Variants in TCF4 observed in about 807,000 individuals in gnomAD.
TCF4 encodes the protein SL3-3 enhancer factor 2.
TCF4 carries 3 observed loss-of-function variants against 82.1 expected under a neutral mutation model. The ratio of observed to expected loss-of-function variants is 0.04; its 90% CI spans 0.02 to 0.09. The LOEUF is 0.09. TCF4 is among the 10% of genes least tolerant of loss of function. TCF4 has a pLI of 1.00. For missense variants in TCF4, 518 were observed against 852.7 expected, an observed-to-expected ratio of 0.61 and a Z score of 4.89; for synonymous variants, 276 against 309.6, an observed-to-expected ratio of 0.89 and a Z score of 1.14.
chr18:55,382,318 G>A (rs1319561632), intron 6 of TCF4, among the ~76,000 whole-genome samples: 1 of 151,454 alleles, frequency 6.6e-6, no homozygotes, highest in Non-Finnish European at 1.5e-5. Flanking sequence ...TAGTCACGTA[G>A]CCTTTCTCAG....
At chr18:55,513,883 G>A (rs542860034) in intron 3 of TCF4, among the ~76,000 whole-genome samples, 88 of 152,200 alleles carry the variant, frequency 5.8e-4, no homozygotes, top group South Asian at 1.2e-3. Flanking sequence ...AAAGTTTGAG[G>A]CCAGACAGCC....
At chr18:55,425,460 C>A (rs1168182466) in intron 5 of TCF4, among the ~76,000 whole-genome samples, 1 of 150,390 alleles carries the variant, frequency 6.6e-6, no homozygotes, top group African/African-American at 2.4e-5. Context: ...CCCAATGGAT[C>A]CTATAATTTT....
chr18:55,578,312 C>G (rs1260917354), intron 3 of TCF4, among the ~76,000 whole-genome samples: 2 of 151,972 alleles, frequency 1.3e-5, no homozygotes, highest in Non-Finnish European at 2.9e-5. Context: ...TGAGTCCAAG[C>G]CTTAATTAAA....
chr18:55,229,232 T>A, intron 17 of TCF4, 156 bp from the exon 18 acceptor site: 1 of 794,880 alleles, frequency 1.3e-6, no homozygotes. Context: ...GGGATTGGTT[T>A]AGATGGCTTT....
intron 3 of TCF4, among the ~76,000 whole-genome samples, chr18:55,464,849 A>G (rs1488020311): frequency 6.6e-6 from 1 of 152,210 alleles, no homozygotes; most frequent in Non-Finnish European, 1.5e-5. Flanking sequence ...CAGTGAAAAG[A>G]CCTACATGAA....
chr18:55,241,445 A>C (rs2051198510), intron 15 of TCF4, among the ~76,000 whole-genome samples: 1 of 152,240 alleles, frequency 6.6e-6, no homozygotes, highest in Admixed American at 6.5e-5. Context: ...TAGTGAACCA[A>C]ACATATCTAG....
At chr18:55,495,764 G>A (rs941466641) in intron 3 of TCF4, 5 of 152,080 alleles carry the variant, frequency 3.3e-5, no homozygotes, top group African/African-American at 7.2e-5. Context: ...TTGTATACTA[G>A]GCAGCAATTC....
chr18:55,486,460 C>T (rs147358516), intron 3 of TCF4, among the ~76,000 whole-genome samples: 1,684 of 152,110 alleles, frequency 0.011, 16 homozygotes, highest in Non-Finnish European at 0.019. Flanking sequence ...GGCGTGGTGG[C>T]GCACACCTGT....
At chr18:55,464,014 CTGTT>C (rs1274162937) in intron 4 of TCF4, 58 bp downstream of exon 4, 181 of 1,427,692 alleles carry the variant, frequency 1.3e-4, no homozygotes, top group Non-Finnish European at 1.7e-4. Flanking sequence ...AACACACCTT[CTGTT>C]TGTCAATTTA....
chr18:55,384,436 C>T (rs1222205780), intron 6 of TCF4, among the ~76,000 whole-genome samples: 1 of 152,214 alleles, frequency 6.6e-6, no homozygotes, highest in Non-Finnish European at 1.5e-5. Context: ...TCTCCCTACC[C>T]CCAGTGTCAT....
intron 5 of TCF4, among the ~76,000 whole-genome samples, chr18:55,439,375 G>T (rs887804442): frequency 1.3e-5 from 2 of 152,142 alleles, no homozygotes; most frequent in Admixed American, 1.3e-4. Flanking sequence ...CCAGACCTTT[G>T]CCCATCAAGT....
chr18:55,492,407 T>A (rs1398175850), intron 3 of TCF4, among the ~76,000 whole-genome samples: 4 of 152,218 alleles, frequency 2.6e-5, no homozygotes, highest in Admixed American at 6.5e-5. Flanking sequence ...GATGTACAGT[T>A]AAACAACAAA....
rs1010469524 is a variant in TCF4, at chr18:55,253,781, TA to T, written c.1350+715del. 1.8e-3 allele frequency among the ~76,000 whole-genome samples: 268 copies of T among 148,330 alleles called. 2 individuals are homozygous for T. The highest frequency in any genetic ancestry group is 3.7e-3 in the Admixed American group (55 of 14,868). On this transcript the variant is annotated intron_variant, in intron 15 of 19. Transcript: ENST00000354452. ...CAGACACTATTTTGGCTTCTTTAAT[TA>T]AAAAAAAAACACTAATATTTGAATT...
chr18:55,361,909 T>C (rs1765148667), intron 6 of TCF4, among the ~76,000 whole-genome samples: 1 of 152,174 alleles, frequency 6.6e-6, no homozygotes, highest in Non-Finnish European at 1.5e-5. Context: ...GAGGCAGAAA[T>C]AACTGAAGTA....
rs986901195 is a variant in TCF4 at position 55,588,118 on chromosome 18, CCGCCTGCTCCTG to C, written c.-113_-102del. On this transcript the variant is annotated 5_prime_UTR_variant, in exon 1 of 20. Coordinates refer to ENST00000354452, the MANE Select transcript of TCF4 (RefSeq NM_001083962.2). ...TGTCTAACCGCCGCCGCCACCGCCG[CCGCCTGCTCCTG>C]CGCCCGCTCCCGCGCCTGCTGCCTC... 2 of 1,040,918 alleles carry C rather than the reference CCGCCTGCTCCTG, an allele frequency of 1.9e-6. No homozygotes were observed. Among genetic ancestry groups the C allele is most frequent in the African/African-American group, 3.4e-5 (2 of 58,318 alleles). 64.5% of individuals were successfully genotyped at this position (1,040,918 alleles called of 1,614,324 possible). A position where few individuals can be genotyped will look rare whatever the true frequency, so the allele number is the denominator to read the frequency against.
rs951064935 is a variant in TCF4 at position 55,635,733 on chromosome 18, G to A, written c.165C>T (p.Cys55=). The A allele has an allele frequency of 6.4e-7, 1 of 1,550,494 alleles. No individual in the cohort carries two copies. Among genetic ancestry groups the A allele is most frequent in the Non-Finnish European group, 8.7e-7 (1 of 1,146,982 alleles). The change falls in exon 1 of 21, where the codon TGC becomes TGT. Residue 55 remains cysteine (C), a synonymous_variant. Coordinates refer to the TCF4 transcript ENST00000398339. ...AGGGCCTCCTGGAGAAGCTCGAGTA[G>A]CAGTTCTCAACCCAAGTGCATGTTA... is the stretch of plus-strand genomic sequence containing the variant.
intron 8 of TCF4, among the ~76,000 whole-genome samples, chr18:55,341,985 A>G (rs540640068): frequency 1.3e-5 from 2 of 152,352 alleles, no homozygotes; most frequent in Admixed American, 1.3e-4. Context: ...ATAAGAATAC[A>G]TAGAAGAAAA....
chr18:55,481,191 G>A (rs934670584), intron 3 of TCF4, among the ~76,000 whole-genome samples: 14 of 151,636 alleles, frequency 9.2e-5, no homozygotes, highest in Non-Finnish European at 1.9e-4. Flanking sequence ...TGAGCTCTCC[G>A]GCATTATATG....
chr18:55,592,731 G>A (rs905393326), upstream of TCF4, among the ~76,000 whole-genome samples: 1 of 152,122 alleles, frequency 6.6e-6, no homozygotes, highest in South Asian at 2.1e-4. Flanking sequence ...GATGGATCAC[G>A]CCCATCTTGT....
Sources: gnomAD v4.1 joint callset for allele counts (sites outside exome capture counted in the v4.1 genomes callset) on GRCh38, gnomAD v4.1.1 for gene constraint, MANE v1.5 for transcripts, NCBI Gene and HGNC (gene_info 2026-07-23, HGNC 2026-07-21) for gene names.